Variants in TCF20 observed in about 807,000 individuals in gnomAD.
The protein encoded by TCF20 is transcription factor 20.
In TCF20, 3 loss-of-function variants were observed where a neutral mutation model predicts 148.6. That is an observed-to-expected ratio of 0.02 (90% CI 0.01 to 0.05). The LOEUF is 0.05. Among genes scored for constraint, TCF20 ranks in the 10% least tolerant of loss-of-function variants. The pLI is 1.00. For missense variants in TCF20, 2,350 were observed against 2,429.3 expected (o/e 0.97, Z 0.69); for synonymous variants, 1,049 against 909.5 (o/e 1.15, Z -2.76).
At chr22:42,246,431 T>C (rs1239848473) in intron 1 of TCF20, among the ~76,000 whole-genome samples, 1 of 152,170 alleles carries the variant, frequency 6.6e-6, no homozygotes, top group Non-Finnish European at 1.5e-5. Context: ...ATTCTTTACC[T>C]ACATTGTTTC....
intron 1 of TCF20, among the ~76,000 whole-genome samples, chr22:42,324,183 T>TATGGTG (rs1927824090): frequency 9.9e-6 from 1 of 100,768 alleles, no homozygotes; most frequent in Non-Finnish European, 2.0e-5. Flanking sequence ...TGATGGAGGT[T>TATGGTG]ATGGTGGTGG....
chr22:42,323,876 TGGTGGTGATGGA>T (rs1927786038), intron 1 of TCF20, among the ~76,000 whole-genome samples: 1 of 129,772 alleles, frequency 7.7e-6, no homozygotes, highest in African/African-American at 2.6e-5. Context: ...GTGGTGGTGG[TGGTGGTGATGGA>T]GGTTATGGTG....
chr22:42,192,980 T>C (rs557691157), intron 2 of TCF20, among the ~76,000 whole-genome samples: 4 of 152,318 alleles, frequency 2.6e-5, no homozygotes, highest in South Asian at 4.1e-4. Context: ...CTGAGGACAC[T>C]GTCCCAGAAG....
Position 42,208,492 on chromosome 22 carries a change from T to C in TCF20, c.5655+1159A>G, listed in dbSNP as rs537441069. ...AAATATAAATATTAGCTGGGCATGG[T>C]GGCACACACCTTTAGTCCCAGGTAC... On this transcript the variant is annotated intron_variant, in intron 2 of 5. Transcript: ENST00000677622. 9.9e-5 allele frequency among the ~76,000 whole-genome samples: 15 copies of C among 152,230 alleles called. No homozygotes were observed. The South Asian group carries it at 3.1e-3, about 32-fold the overall frequency.
intron 1 of TCF20, among the ~76,000 whole-genome samples, chr22:42,330,379 G>A (rs920098473): frequency 2.0e-5 from 3 of 152,032 alleles, no homozygotes; most frequent in East Asian, 1.9e-4. Flanking sequence ...CAAACACCTC[G>A]CTCCTTCCCC....
chr22:42,281,796 G>A (rs2147017291), intron 1 of TCF20, among the ~76,000 whole-genome samples: 1 of 152,310 alleles, frequency 6.6e-6, no homozygotes, highest in East Asian at 1.9e-4. Flanking sequence ...CCCACTTCCT[G>A]GGGGGTCTGA....
upstream of TCF20, among the ~76,000 whole-genome samples, chr22:42,273,131 G>GT (rs888359723): frequency 6.6e-6 from 1 of 151,854 alleles, no homozygotes; most frequent in Non-Finnish European, 1.5e-5. Flanking sequence ...AGGCCAAGGG[G>GT]GGTGTATCAC....
intron 1 of TCF20, among the ~76,000 whole-genome samples, chr22:42,306,387 G>A (rs1056085358): frequency 6.6e-6 from 1 of 152,244 alleles, no homozygotes; most frequent in African/African-American, 2.4e-5. Flanking sequence ...CAGGTGGCAA[G>A]CAATGTGGGT....
intron 1 of TCF20, among the ~76,000 whole-genome samples, chr22:42,280,524 G>A (rs1208128743): frequency 6.6e-6 from 1 of 152,234 alleles, no homozygotes; most frequent in Non-Finnish European, 1.5e-5. Flanking sequence ...TTTCTAGGCT[G>A]CCCTGGCCCC....
intron 1 of TCF20, among the ~76,000 whole-genome samples, chr22:42,226,521 A>G (rs1438314229): frequency 2.0e-5 from 3 of 152,072 alleles, no homozygotes; most frequent in Non-Finnish European, 4.4e-5. Context: ...CCTGGCCAAC[A>G]TGGTGAAATG....
intron 1 of TCF20, among the ~76,000 whole-genome samples, chr22:42,251,208 G>A (rs1202536779): frequency 3.3e-5 from 5 of 152,102 alleles, no homozygotes; most frequent in African/African-American, 4.8e-5. Flanking sequence ...TTTTCTGTTT[G>A]TTTATTGAAG....
At chr22:42,172,022 T>C (rs1204663346) in intron 3 of TCF20, among the ~76,000 whole-genome samples, 1 of 151,914 alleles carries the variant, frequency 6.6e-6, no homozygotes, top group African/African-American at 2.4e-5. Flanking sequence ...CAGAAAAGAG[T>C]AAGACACTAT....
chr22:42,316,352 C>G (rs538788096), intron 1 of TCF20, among the ~76,000 whole-genome samples: 1 of 152,054 alleles, frequency 6.6e-6, no homozygotes, highest in East Asian at 1.9e-4. Context: ...AATGTGACAC[C>G]CAAAAGAGCA....
At chr22:42,329,922 C>T (rs1927942910) in intron 1 of TCF20, among the ~76,000 whole-genome samples, 1 of 152,278 alleles carries the variant, frequency 6.6e-6, no homozygotes, top group African/African-American at 2.4e-5. Context: ...TCACCAGGGG[C>T]CACCAAGTTC....
At chr22:42,189,736 C>G (rs1327569614) in intron 2 of TCF20, among the ~76,000 whole-genome samples, 2 of 152,172 alleles carry the variant, frequency 1.3e-5, no homozygotes, top group Non-Finnish European at 2.9e-5. Context: ...TTTACTTCTC[C>G]TAAAGTAGAG....
chr22:42,179,818 C>A (rs1936684089), intron 2 of TCF20, 116 bp from the exon 3 acceptor site: 1 of 698,204 alleles, frequency 1.4e-6, no homozygotes, highest in Non-Finnish European at 2.6e-6. Context: ...TTAGAGGAGT[C>A]CGTGGTGGCA....
At chr22:42,191,205 C>T (rs183409525) in intron 2 of TCF20, among the ~76,000 whole-genome samples, 1 of 152,286 alleles carries the variant, frequency 6.6e-6, no homozygotes, top group East Asian at 1.9e-4. Context: ...TATGAAGTCT[C>T]ATAACTCAGA....
chr22:42,254,601 C>T (rs1379022951), intron 1 of TCF20, among the ~76,000 whole-genome samples: 1 of 152,216 alleles, frequency 6.6e-6, no homozygotes, highest in African/African-American at 2.4e-5. Context: ...CTAATCCTTT[C>T]CCACCTCTCA....
chr22:42,172,040 C>T (rs900837200), intron 3 of TCF20, among the ~76,000 whole-genome samples: 5 of 152,228 alleles, frequency 3.3e-5, no homozygotes, highest in Admixed American at 6.5e-5. Context: ...TATGAATGCA[C>T]GCTAACGACA....
Sources: allele counts gnomAD v4.1 joint callset (sites outside exome capture counted in the v4.1 genomes callset), GRCh38; gene constraint gnomAD v4.1.1; transcripts MANE v1.5; gene names NCBI Gene and HGNC (gene_info 2026-07-23, HGNC 2026-07-21).